NR2F1-AS1: variants seen among roughly 807,000 people sequenced by gnomAD.
The protein encoded by NR2F1-AS1 is NR2F1 regulatory antisense RNA 1.
intron 2 of NR2F1-AS1, among the ~76,000 whole-genome samples, chr5:93,562,510 T>C (rs2149920635): frequency 6.6e-6 from 1 of 152,174 alleles, no homozygotes; most frequent in African/African-American, 2.4e-5. Flanking sequence ...CCCAGGCTAG[T>C]CTCGAACTCC....
chr5:93,456,756 GTATT>G (rs894182918), intron 4 of NR2F1-AS1, among the ~76,000 whole-genome samples: 13 of 151,862 alleles, frequency 8.6e-5, no homozygotes, highest in African/African-American at 2.9e-4. Context: ...AGTTCCCTCA[GTATT>G]TATTCATTAG....
chr5:93,476,956 T>C (rs758089353), intron 4 of NR2F1-AS1, among the ~76,000 whole-genome samples: 3 of 152,214 alleles, frequency 2.0e-5, no homozygotes, highest in African/African-American at 7.2e-5. Flanking sequence ...GAAAGAAGGC[T>C]GCACTAAGTT....
intron 4 of NR2F1-AS1, chr5:93,422,111 G>A (rs1036898467): frequency 8.5e-5 from 13 of 152,206 alleles, no homozygotes; most frequent in African/African-American, 2.2e-4. Flanking sequence ...CTGACGAGGC[G>A]AATCAAGAGG....
In NR2F1-AS1 at chr5:93,525,410, C is replaced by T. The variant is rs575968304; in HGVS notation, n.638+28351G>A. On this transcript the variant is annotated intron_variant and non_coding_transcript_variant, in intron 4 of 5. Transcript: ENST00000660523. The stretch of plus-strand genomic sequence containing the variant: ...GATGTACACTCCCACACAATAATAG[C>T]GGGGGACTTTAACAATCCACTGTCA... Among the ~76,000 whole-genome samples, 3 of 152,124 alleles carry T rather than the reference C, an allele frequency of 2.0e-5. 1 individual carries two copies.
At chr5:93,456,475 T>C (rs1360863532) in intron 4 of NR2F1-AS1, among the ~76,000 whole-genome samples, 1 of 152,178 alleles carries the variant, frequency 6.6e-6, no homozygotes, top group African/African-American at 2.4e-5. Flanking sequence ...TGTACTATGT[T>C]TATGGATCAG....
At chr5:93,512,939 T>G (rs1751330600) in intron 4 of NR2F1-AS1, among the ~76,000 whole-genome samples, 1 of 152,124 alleles carries the variant, frequency 6.6e-6, no homozygotes, top group Non-Finnish European at 1.5e-5. Flanking sequence ...TCAGGAAATA[T>G]CCCCATCTTT....
chr5:93,491,532 A>G (rs1165703624), intron 4 of NR2F1-AS1, among the ~76,000 whole-genome samples: 1 of 152,056 alleles, frequency 6.6e-6, no homozygotes, highest in Non-Finnish European at 1.5e-5. Context: ...AGCTAGAAAA[A>G]CATTATTCTG....
At chr5:93,474,783 T>G (rs1750444461) in intron 4 of NR2F1-AS1, among the ~76,000 whole-genome samples, 1 of 152,062 alleles carries the variant, frequency 6.6e-6, no homozygotes, top group Admixed American at 6.6e-5. Flanking sequence ...GGAGATTAGG[T>G]TTCAACATAC....
intron 1 of NR2F1-AS1, chr5:93,563,494 T>TA (rs1752541833): frequency 6.6e-6 from 1 of 152,190 alleles, no homozygotes; most frequent in South Asian, 2.1e-4. Flanking sequence ...TTAATCAGTG[T>TA]AAAAAATTCC....
intron 4 of NR2F1-AS1, among the ~76,000 whole-genome samples, chr5:93,533,867 C>T (rs1318775712): frequency 6.6e-6 from 1 of 152,160 alleles, no homozygotes; most frequent in Non-Finnish European, 1.5e-5. Flanking sequence ...CGCAGTGGCT[C>T]ACACCTGTAG....
chr5:93,537,616 C>A (rs1011743455), intron 4 of NR2F1-AS1, among the ~76,000 whole-genome samples: 6 of 152,082 alleles, frequency 3.9e-5, no homozygotes, highest in African/African-American at 1.2e-4. Context: ...TACCACCTCA[C>A]TTCAGTTAGA....
chr5:93,456,103 C>T (rs1410017162), intron 4 of NR2F1-AS1, among the ~76,000 whole-genome samples: 1 of 152,062 alleles, frequency 6.6e-6, no homozygotes, highest in African/African-American at 2.4e-5. Context: ...TAATAACAGG[C>T]ACACAGATTG....
intron 4 of NR2F1-AS1, among the ~76,000 whole-genome samples, chr5:93,547,069 A>G (rs562088981): frequency 6.6e-6 from 1 of 152,302 alleles, no homozygotes; most frequent in African/African-American, 2.4e-5. Context: ...CCTGCCCTAC[A>G]GATTTCAGAC....
At chr5:93,452,039 C>T (rs1302044466) in intron 4 of NR2F1-AS1, among the ~76,000 whole-genome samples, 4 of 152,092 alleles carry the variant, frequency 2.6e-5, no homozygotes, top group African/African-American at 9.7e-5. Flanking sequence ...ACCATGCATA[C>T]TATTTCCTGC....
At chr5:93,413,919 T>G (rs1748914623) in intron 4 of NR2F1-AS1, among the ~76,000 whole-genome samples, 1 of 152,110 alleles carries the variant, frequency 6.6e-6, no homozygotes, top group Non-Finnish European at 1.5e-5. Flanking sequence ...ACATCATAGA[T>G]CTCTGAGTCT....
At chr5:93,453,741 T>C (rs1749886762) in intron 4 of NR2F1-AS1, among the ~76,000 whole-genome samples, 1 of 152,208 alleles carries the variant, frequency 6.6e-6, no homozygotes, top group South Asian at 2.1e-4. Flanking sequence ...AAAACACACG[T>C]TCTATACAGG....
At chr5:93,565,112 A>C (rs1386769676) in intron 1 of NR2F1-AS1, among the ~76,000 whole-genome samples, 1 of 152,218 alleles carries the variant, frequency 6.6e-6, no homozygotes, top group East Asian at 1.9e-4. Context: ...ACCTTAATGG[A>C]AGTCAGGAAA....
intron 4 of NR2F1-AS1, chr5:93,542,270 T>C (rs1464514885): frequency 1.3e-5 from 2 of 151,954 alleles, no homozygotes; most frequent in African/African-American, 4.8e-5. Context: ...TGACAACTTA[T>C]TAAGACCTAA....
At chr5:93,423,893 G>T (rs1335404842) in intron 4 of NR2F1-AS1, among the ~76,000 whole-genome samples, 2 of 151,984 alleles carry the variant, frequency 1.3e-5, no homozygotes, top group African/African-American at 2.4e-5. Flanking sequence ...TCTTAGGAAG[G>T]TCTGCCTCTC....
Sources: gnomAD v4.1 joint callset for allele counts (sites outside exome capture counted in the v4.1 genomes callset) on GRCh38, gnomAD v4.1.1 for gene constraint, MANE v1.5 for transcripts, NCBI Gene and HGNC (gene_info 2026-07-23, HGNC 2026-07-21) for gene names.